Variants in UEVLD observed in about 807,000 individuals in gnomAD.
The protein encoded by UEVLD is UEV and lactate/malate dehyrogenase domains.
A neutral mutation model predicts 58.6 loss-of-function variants in UEVLD; 47 were observed. The observed-to-expected ratio is 0.80, with a 90% confidence interval of 0.63 to 1.02. The LOEUF is 1.02. UEVLD is among the 50% of genes least tolerant of loss of function. UEVLD has a pLI of 0.00. For missense variants in UEVLD, 510 were observed against 550.6 expected (o/e 0.93, Z 0.74); for synonymous variants, 197 against 195.3 (o/e 1.01, Z -0.07).
intron 7 of UEVLD, among the ~76,000 whole-genome samples, chr11:18,547,810 C>T (rs924160854): frequency 6.6e-6 from 1 of 152,044 alleles, no homozygotes; most frequent in African/African-American, 2.4e-5. Flanking sequence ...TAGCTCCAGG[C>T]CACTTACTTT....
rs754121285 is a variant in UEVLD, at chr11:18,575,367, G to A, written c.173C>T (p.Thr58Ile). Residue 58 changes from threonine to isoleucine, a missense_variant, in exon 3 of 12, where the codon ACA becomes ATA. Transcript: ENST00000396197. ...CTTACCCTGATACATCACAGGAATT[G>A]TGCCAGTAAAATTCAGCAGGTCTTT... ...SQKDLLNFTGTIPVMYQGNTY... is the reference protein window; with the variant it reads ...SQKDLLNFTGIIPVMYQGNTY... The A allele has an allele frequency of 3.3e-5, 53 of 1,608,444 alleles. 1 individual carries two copies. The South Asian group carries it at 5.8e-4, about 18-fold the overall frequency.
intron 1 of UEVLD, among the ~76,000 whole-genome samples, chr11:18,583,642 T>TATTA (rs1324759238): frequency 8.2e-6 from 1 of 122,320 alleles, no homozygotes; most frequent in South Asian, 2.7e-4. Flanking sequence ...GGAATCTTTA[T>TATTA]TAAGTCCAGT....
chr11:18,545,587 G>C (rs1305351508), intron 8 of UEVLD, among the ~76,000 whole-genome samples: 1 of 151,868 alleles, frequency 6.6e-6, no homozygotes, highest in Non-Finnish European at 1.5e-5. Context: ...TGGGATTACA[G>C]GTGTGCACCA....
At chr11:18,585,767 A>G (rs1323639979) in intron 1 of UEVLD, among the ~76,000 whole-genome samples, 1 of 151,828 alleles carries the variant, frequency 6.6e-6, no homozygotes, top group Non-Finnish European at 1.5e-5. Context: ...CCTCCCAAGT[A>G]GCTGGGGTTA....
At chr11:18,552,051 A>C (rs548063416) in intron 7 of UEVLD, among the ~76,000 whole-genome samples, 1 of 152,334 alleles carries the variant, frequency 6.6e-6, no homozygotes, top group Admixed American at 6.5e-5. Context: ...CTACTCTATC[A>C]GTCTGAATAT....
chr11:18,538,559 C>T (rs189159620), intron 9 of UEVLD, among the ~76,000 whole-genome samples: 3 of 151,138 alleles, frequency 2.0e-5, no homozygotes, highest in Admixed American at 6.6e-5. Flanking sequence ...GTGATCCACC[C>T]GCCTTGGCCT....
In UEVLD at chr11:18,588,719, C is replaced by T; in HGVS notation, c.-65G>A. 2 of 1,563,650 alleles carry T rather than the reference C, an allele frequency of 1.3e-6. No individual in the cohort carries two copies. The highest frequency in any genetic ancestry group is 1.7e-6 in the Non-Finnish European group (2 of 1,157,878). ...CCCGGACCTTCTTCCGGACTTGCTGCAGGACGGAAGCCGCTGAGGACCAAA... is the reference window on the plus strand; with the variant it reads ...CCCGGACCTTCTTCCGGACTTGCTGTAGGACGGAAGCCGCTGAGGACCAAA... On this transcript the variant is annotated 5_prime_UTR_variant, in exon 1 of 12. Transcript: ENST00000396197.
intron 1 of UEVLD, among the ~76,000 whole-genome samples, chr11:18,582,279 A>G: frequency 6.6e-6 from 1 of 152,204 alleles, no homozygotes; most frequent in East Asian, 1.9e-4. Flanking sequence ...CTCGGGACTT[A>G]AAAACCCAAA....
intron 7 of UEVLD, among the ~76,000 whole-genome samples, chr11:18,555,524 G>A (rs756932650): frequency 1.3e-5 from 2 of 152,028 alleles, no homozygotes; most frequent in Non-Finnish European, 2.9e-5. Context: ...GTAGATCCAG[G>A]CTTCGGTGAG....
At chr11:18,564,820 G>A in intron 6 of UEVLD, 72 bp downstream of exon 6, 1 of 1,019,706 alleles carries the variant, frequency 9.8e-7, no homozygotes, top group Non-Finnish European at 1.4e-6. Flanking sequence ...GCATTTTTTG[G>A]TGTGTAAAAC....
Position 18,530,481 on chromosome 11 carries a change from T to C in UEVLD, c.*1839A>G, listed in dbSNP as rs1850522079. 1 of 152,244 alleles carries C rather than the reference T, an allele frequency of 6.6e-6. No homozygotes were observed. The highest frequency in any genetic ancestry group is 1.5e-5 in the Non-Finnish European group (1 of 68,036). The allele number at this position is 152,244 out of a possible 1,614,324, so 9.4% of individuals were successfully genotyped here. A position where few individuals can be genotyped will look rare whatever the true frequency, so the allele number is the denominator to read the frequency against. On this transcript the variant is annotated 3_prime_UTR_variant, in exon 12 of 12. Transcript: ENST00000396197. ...AAACAGCATTAGTTTGCCTATTTCC[T>C]CTTTACTAGGATGTGTCTGCCCTTA...
Position 18,534,311 on chromosome 11 carries a change from G to A in UEVLD, c.1248+19C>T, listed in dbSNP as rs1357001991. The stretch of plus-strand genomic sequence containing the variant: ...TATCTAAGTTTAAAATATAATAAGA[G>A]AATAAGAATAGCAATTACCTTTGCT... On this transcript the variant is annotated intron_variant, in intron 11 of 11. Coordinates refer to ENST00000396197, the MANE Select transcript of UEVLD (RefSeq NM_001040697.4). 5.4e-6 allele frequency: 8 copies of A among 1,477,836 alleles called. No homozygotes were observed. The highest frequency in any genetic ancestry group is 7.2e-6 in the Non-Finnish European group (8 of 1,111,404). 91.5% of individuals were successfully genotyped at this position (1,477,836 alleles called of 1,614,324 possible).
chr11:18,570,615 A>C (rs1199770027), intron 3 of UEVLD: 1 of 251,452 alleles, frequency 4.0e-6, no homozygotes, highest in Non-Finnish European at 7.6e-6. Context: ...GTGTGGTGGC[A>C]CACACCTATA....
intron 7 of UEVLD, among the ~76,000 whole-genome samples, chr11:18,549,870 G>A (rs1281808561): frequency 3.3e-5 from 5 of 151,172 alleles, no homozygotes; most frequent in Admixed American, 2.6e-4. Flanking sequence ...CGCCCAGGCT[G>A]TAGTGCAATG....
At chr11:18,582,917 A>C (rs921431378) in intron 1 of UEVLD, among the ~76,000 whole-genome samples, 6 of 152,086 alleles carry the variant, frequency 3.9e-5, no homozygotes, top group Non-Finnish European at 7.4e-5. Flanking sequence ...TTTATTCAGA[A>C]GACTGATATT....
intron 4 of UEVLD, among the ~76,000 whole-genome samples, chr11:18,568,995 C>T (rs1047541617): frequency 2.0e-5 from 3 of 151,992 alleles, no homozygotes; most frequent in Non-Finnish European, 4.4e-5. Context: ...TCTGAGTTCA[C>T]ACCATTCTAC....
chr11:18,569,813 T>A lies in UEVLD; in HGVS notation c.357+401A>T, dbSNP rs143322900. On this transcript the variant is annotated intron_variant, in intron 4 of 11. Coordinates refer to ENST00000396197, the MANE Select transcript of UEVLD (RefSeq NM_001040697.4). ...TAAAACAAAGCATGTCACAAAAGAT[T>A]ACATACAGTATGATTCAACTTATAT... is the stretch of plus-strand genomic sequence containing the variant. 897 of 156,742 alleles carry A rather than the reference T, an allele frequency of 5.7e-3. 8 individuals are homozygous for A. The highest frequency in any genetic ancestry group is 0.021 in the African/African-American group (864 of 41,608). 9.7% of individuals were successfully genotyped at this position (156,742 alleles called of 1,614,324 possible). A position where few individuals can be genotyped will look rare whatever the true frequency, so the allele number is the denominator to read the frequency against.
intron 4 of UEVLD, among the ~76,000 whole-genome samples, chr11:18,568,684 T>TA (rs1275215569): frequency 2.0e-5 from 3 of 152,166 alleles, no homozygotes; most frequent in African/African-American, 7.2e-5. Context: ...ATGTCCTTTG[T>TA]TTTTTCTATT....
At chr11:18,552,336 C>T (rs371115235) in intron 7 of UEVLD, among the ~76,000 whole-genome samples, 3 of 152,014 alleles carry the variant, frequency 2.0e-5, no homozygotes, top group African/African-American at 7.2e-5. Context: ...CTTGAGGCCA[C>T]GAGTTTTGAG....
Sources: allele counts gnomAD v4.1 joint callset (sites outside exome capture counted in the v4.1 genomes callset), GRCh38; gene constraint gnomAD v4.1.1; transcripts MANE v1.5; gene names NCBI Gene and HGNC (gene_info 2026-07-23, HGNC 2026-07-21).